NCALD: variants seen among roughly 807,000 people sequenced by gnomAD.
NCALD encodes the protein neurocalcin delta, also known as neurocalcin-delta.
A neutral mutation model predicts 18.6 loss-of-function variants in NCALD; 10 were observed. The observed-to-expected ratio is 0.54, with a 90% confidence interval of 0.33 to 0.91. NCALD has a LOEUF of 0.91. NCALD is among the 40% of genes least tolerant of loss of function. The probability of loss-of-function intolerance (pLI) is 0.03; values close to 1 mark genes in which losing one functional copy is unlikely to be tolerated. For synonymous variants in NCALD, 88 were observed against 87.4 expected (o/e 1.01, Z -0.04); for missense variants, 184 against 247.6 (o/e 0.74, Z 1.72).
At chr8:101,995,559 G>A (rs1821207288) in intron 2 of NCALD, among the ~76,000 whole-genome samples, 3 of 152,034 alleles carry the variant, frequency 2.0e-5, no homozygotes, top group Admixed American at 6.5e-5. Flanking sequence ...CAAGAGAAAG[G>A]GGAGGTGCCA....
intron 4 of NCALD, among the ~76,000 whole-genome samples, chr8:101,819,432 T>C (rs1333696579): frequency 6.6e-6 from 1 of 152,104 alleles, no homozygotes; most frequent in African/African-American, 2.4e-5. Context: ...TTTCTGTAAA[T>C]TGTATTATGA....
At chr8:102,071,683 T>G (rs1327154235) in intron 1 of NCALD, among the ~76,000 whole-genome samples, 1 of 152,160 alleles carries the variant, frequency 6.6e-6, no homozygotes, top group Admixed American at 6.5e-5. Context: ...CCAAAACAAA[T>G]TGTATTTCTA....
intron 1 of NCALD, among the ~76,000 whole-genome samples, chr8:102,064,983 G>A (rs1823957947): frequency 1.7e-5 from 2 of 118,012 alleles, no homozygotes; most frequent in South Asian, 2.7e-4. Flanking sequence ...AATAGAGTAC[G>A]AGATTTGACA....
At chr8:101,841,165 C>A (rs1224055128) in intron 4 of NCALD, among the ~76,000 whole-genome samples, 1 of 152,166 alleles carries the variant, frequency 6.6e-6, no homozygotes, top group Non-Finnish European at 1.5e-5. Flanking sequence ...CTGCACAAAT[C>A]TTTCTAATTC....
intron 1 of NCALD, among the ~76,000 whole-genome samples, chr8:102,089,920 A>G (rs1160112374): frequency 6.6e-6 from 1 of 152,228 alleles, no homozygotes; most frequent in Non-Finnish European, 1.5e-5. Context: ...TCCTTGAAGC[A>G]CTAATCTAAT....
At chr8:102,001,960 T>C (rs539538330) in intron 2 of NCALD, among the ~76,000 whole-genome samples, 1 of 152,322 alleles carries the variant, frequency 6.6e-6, no homozygotes, top group East Asian at 1.9e-4. Flanking sequence ...AGGAAGAAAC[T>C]ACATCAACTA....
At chr8:101,859,570 T>A (rs1320246392) in intron 4 of NCALD, among the ~76,000 whole-genome samples, 2 of 152,122 alleles carry the variant, frequency 1.3e-5, no homozygotes, top group Admixed American at 1.3e-4. Flanking sequence ...TAAAGACCCC[T>A]TAGCAAATTA....
chr8:101,977,515 T>C (rs1490959730), intron 2 of NCALD, among the ~76,000 whole-genome samples: 1 of 152,186 alleles, frequency 6.6e-6, no homozygotes, highest in Non-Finnish European at 1.5e-5. Context: ...ATTTTCAAAT[T>C]AGCTGAATGT....
At chr8:101,704,729 C>G (rs1369799015) in intron 2 of NCALD, among the ~76,000 whole-genome samples, 1 of 151,084 alleles carries the variant, frequency 6.6e-6, no homozygotes, top group South Asian at 2.1e-4. Context: ...ACCAGCCTGG[C>G]CAACATGGTG....
chr8:101,775,505 G>C (rs1811755968), intron 1 of NCALD, among the ~76,000 whole-genome samples: 1 of 152,138 alleles, frequency 6.6e-6, no homozygotes, highest in African/African-American at 2.4e-5. Context: ...TCTGAATTTG[G>C]CCTTAGGAAT....
chr8:101,709,422 T>C (rs977377861), intron 2 of NCALD, among the ~76,000 whole-genome samples: 1 of 152,224 alleles, frequency 6.6e-6, no homozygotes, highest in African/African-American at 2.4e-5. Flanking sequence ...ATCATTTTCA[T>C]TGAGTTGTAA....
In NCALD at chr8:102,090,978, G is replaced by A. The variant is rs183257468; in HGVS notation, c.-210+33259C>T. Among the ~76,000 whole-genome samples, 279 of 152,258 alleles carry A rather than the reference G, an allele frequency of 1.8e-3. 3 individuals are homozygous for A. Among genetic ancestry groups the A allele is most frequent in the African/African-American group, 6.3e-3 (260 of 41,542 alleles). On this transcript the variant is annotated intron_variant, in intron 1 of 6. Transcript: ENST00000311028. Reference sequence around the variant, plus strand: ...TGGTCTCATTCCTTGTCTACAAACCGTGTACAGGGTTCCTGACCTGTGGTA... The same window carrying A: ...TGGTCTCATTCCTTGTCTACAAACCATGTACAGGGTTCCTGACCTGTGGTA...
chr8:102,058,686 T>C lies in NCALD; in HGVS notation c.-209-38397A>G, dbSNP rs116103054. Among the ~76,000 whole-genome samples the C allele has an allele frequency of 1.5e-3, 235 of 152,336 alleles. 2 individuals carry two copies. The highest frequency in any genetic ancestry group is 5.3e-3 in the African/African-American group (221 of 41,586). ...GACAGTCTACACTCTCAGGCATCCA[T>C]GGTGGCTGCAGAATAATGGCCCCTG... On this transcript the variant is annotated intron_variant, in intron 1 of 6. Transcript: ENST00000311028.
chr8:101,710,126 G>A (rs374090658), intron 2 of NCALD, among the ~76,000 whole-genome samples: 1 of 152,204 alleles, frequency 6.6e-6, no homozygotes, highest in East Asian at 1.9e-4. Flanking sequence ...CACGGAGGGT[G>A]AGCAGAAGCA....
intron 2 of NCALD, among the ~76,000 whole-genome samples, chr8:101,695,157 T>G (rs968256728): frequency 6.6e-6 from 1 of 152,210 alleles, no homozygotes; most frequent in African/African-American, 2.4e-5. Context: ...ATTTAGAAAT[T>G]GGCATCCCTG....
chr8:101,737,774 A>C (rs1310477726), intron 1 of NCALD, among the ~76,000 whole-genome samples: 1 of 152,164 alleles, frequency 6.6e-6, no homozygotes. Context: ...CACTGAGTGC[A>C]CCTATGGAGT....
intron 4 of NCALD, among the ~76,000 whole-genome samples, chr8:101,883,320 C>T (rs927945658): frequency 6.6e-6 from 1 of 152,150 alleles, no homozygotes; most frequent in African/African-American, 2.4e-5. Context: ...CCAGCCTGGG[C>T]AACAGAGTGA....
At chr8:101,733,752 G>C (rs759609505) in intron 1 of NCALD, among the ~76,000 whole-genome samples, 2 of 152,272 alleles carry the variant, frequency 1.3e-5, no homozygotes, top group South Asian at 4.2e-4. Context: ...CTTCCAGCCC[G>C]ACTCCCCTCC....
chr8:102,121,755 C>T (rs922623418), intron 1 of NCALD, among the ~76,000 whole-genome samples: 2 of 152,206 alleles, frequency 1.3e-5, no homozygotes, highest in African/African-American at 4.8e-5. Context: ...TAAAAGGACA[C>T]ACCTCGAGGG....
Sources: allele counts gnomAD v4.1 joint callset (sites outside exome capture counted in the v4.1 genomes callset), GRCh38; gene constraint gnomAD v4.1.1; transcripts MANE v1.5; gene names NCBI Gene and HGNC (gene_info 2026-07-23, HGNC 2026-07-21).